The following TTC3 variants were observed in gnomAD, a reference collection of about 807,000 sequenced individuals.
The protein encoded by TTC3 is E3 ubiquitin-protein ligase TTC3.
Under a neutral mutation model 249.6 loss-of-function variants are expected in TTC3, and 180 were observed. The observed-to-expected ratio is 0.72, with a 90% CI of 0.64 to 0.82. The LOEUF is 0.82. Among genes scored for constraint, TTC3 ranks in the 40% least tolerant of loss-of-function variants. The pLI, the probability that TTC3 is intolerant of heterozygous loss-of-function variation, is 0.00. For synonymous variants in TTC3, 717 were observed against 805.0 expected (o/e 0.89, Z 1.85); for missense variants, 2,061 against 2,398.4 (o/e 0.86, Z 2.94).
rs753225300 is a variant in TTC3 at position 37,094,058 on chromosome 21, C to T, written c.655C>T (p.Leu219Phe). 9 of 1,607,314 alleles carry T rather than the reference C, an allele frequency of 5.6e-6. No homozygotes were observed. The South Asian group carries it at 8.9e-5, about 16-fold the overall frequency. The change falls in exon 8 of 46, where the codon CTT becomes TTT. Residue 219 changes from leucine to phenylalanine, a missense_variant. Transcript: ENST00000355666. Reference sequence around the variant, plus strand: ...GGAAGACTGCAATTTGCTTGAAGAACTTAAAACTCAAAGTTGTATGGATTG... The same window carrying T: ...GGAAGACTGCAATTTGCTTGAAGAATTTAAAACTCAAAGTTGTATGGATTG...
chr21:37,182,904 C>G, exon 36 of TTC3: 1 of 1,561,678 alleles, frequency 6.4e-7, no homozygotes, highest in Non-Finnish European at 8.6e-7. Context: ...GTTTCAAATG[C>G]CAGTGAAATG....
rs376732169 is a variant in TTC3, at chr21:37,123,509, A to G, written c.1109+481A>G. Among the ~76,000 whole-genome samples, 10 of 152,356 alleles carry G rather than the reference A, an allele frequency of 6.6e-5. No individual in the cohort carries two copies. The East Asian group carries it at 1.7e-3, about 26-fold the overall frequency. On this transcript the variant is annotated intron_variant, in intron 13 of 45. Coordinates refer to ENST00000355666, the Ensembl canonical transcript of TTC3. ...AAATAGGCAACAGATAGACTTGAGT[A>G]TGCTCACAAGAAAGCAATAGCAGCC...
chr21:37,185,998 C>G (rs1192923889), intron 37 of TTC3: 1 of 197,566 alleles, frequency 5.1e-6, no homozygotes, highest in Non-Finnish European at 1.0e-5. Context: ...CATTTATTTC[C>G]CATTGTCAAT....
chr21:37,187,146 G>C lies in TTC3; in HGVS notation c.4923+1G>C. The C allele has an allele frequency of 6.3e-7, 1 of 1,575,892 alleles. No homozygotes were observed. Among genetic ancestry groups the C allele is most frequent in the Non-Finnish European group, 8.6e-7 (1 of 1,166,876 alleles). The stretch of plus-strand genomic sequence containing the variant: ...TCATCAGAGAGCTGTGGCTGCAGAG[G>C]TGAGTCCATGACACTTAGTGACCAC... On this transcript the variant is annotated splice_donor_variant, in intron 38 of 45. Coordinates refer to ENST00000355666, the Ensembl canonical transcript of TTC3. LOFTEE classifies it high-confidence loss of function.
In TTC3 at chr21:37,197,559, C is replaced by G. The variant is rs199499779; in HGVS notation, c.5580-11C>G. Reference sequence around the variant, plus strand: ...TTTCTGTTGTCATTCATCACTCACTCTCCCTTTCAGCACTGAGCTTGCTGG... The same window carrying G: ...TTTCTGTTGTCATTCATCACTCACTGTCCCTTTCAGCACTGAGCTTGCTGG... On this transcript the variant is annotated splice_polypyrimidine_tract_variant and intron_variant, in intron 42 of 45. Transcript: ENST00000355666. 418 of 1,611,782 alleles carry G rather than the reference C, an allele frequency of 2.6e-4. 1 individual carries two copies. Among genetic ancestry groups the G allele is most frequent in the South Asian group, 1.1e-3 (102 of 90,932 alleles).
At chr21:37,134,376 C>T (rs1159521340) in intron 17 of TTC3, among the ~76,000 whole-genome samples, 3 of 150,652 alleles carry the variant, frequency 2.0e-5, no homozygotes, top group East Asian at 3.9e-4. Flanking sequence ...GCTTGAACCC[C>T]GAGGTGGAGG....
intron 21 of TTC3, 50 bp downstream of exon 21, chr21:37,144,695 A>ATT (rs1339041553): frequency 1.3e-6 from 2 of 1,576,824 alleles, no homozygotes; most frequent in Non-Finnish European, 1.7e-6. Flanking sequence ...GCTTATCTGC[A>ATT]TTGACTGACT....
At chr21:37,080,889 C>G (rs150480688) in intron 1 of TTC3, among the ~76,000 whole-genome samples, 46 of 151,976 alleles carry the variant, frequency 3.0e-4, no homozygotes, top group African/African-American at 1.1e-3. Context: ...CACCAGACAA[C>G]TTCTGTCTTT....
chr21:37,104,554 C>T (rs1016506662), intron 10 of TTC3, among the ~76,000 whole-genome samples: 31 of 141,568 alleles, frequency 2.2e-4, no homozygotes, highest in African/African-American at 7.7e-4. Flanking sequence ...AGCGCCATTG[C>T]GCTCCAGCCT....
At chr21:37,162,895 T>C (rs2080898037) in intron 31 of TTC3, among the ~76,000 whole-genome samples, 1 of 152,126 alleles carries the variant, frequency 6.6e-6, no homozygotes, top group East Asian at 1.9e-4. Context: ...GCCTTTTTGC[T>C]GTGTTTTCTC....
chr21:37,199,034 C>T (rs1272612802), intron 44 of TTC3, among the ~76,000 whole-genome samples: 1 of 152,214 alleles, frequency 6.6e-6, no homozygotes, highest in South Asian at 2.1e-4. Flanking sequence ...GGCACTTCCT[C>T]TTCTTCCCTG....
intron 36 of TTC3, among the ~76,000 whole-genome samples, chr21:37,185,453 G>C (rs2148166440): frequency 6.6e-6 from 1 of 152,250 alleles, no homozygotes; most frequent in South Asian, 2.1e-4. Flanking sequence ...CTTAGACTGA[G>C]ATAGGGTGAT....
At chr21:37,141,419 C>CCCA (rs1555888003) in intron 20 of TTC3, among the ~76,000 whole-genome samples, 1 of 151,810 alleles carries the variant, frequency 6.6e-6, no homozygotes, top group Non-Finnish European at 1.5e-5. Flanking sequence ...GAATCCCCCC[C>CCCA]CCAGCCATCT....
intron 1 of TTC3, chr21:37,082,211 C>T (rs1337449067): frequency 6.6e-6 from 1 of 152,158 alleles, no homozygotes; most frequent in Non-Finnish European, 1.5e-5. Flanking sequence ...TTTGATATGT[C>T]CAGTCATTCT....
intron 11 of TTC3, among the ~76,000 whole-genome samples, chr21:37,109,259 G>C (rs1288107705): frequency 6.6e-6 from 1 of 152,200 alleles, no homozygotes; most frequent in Non-Finnish European, 1.5e-5. Flanking sequence ...GAAGCAGGGT[G>C]AGGCATGGCC....
At chr21:37,191,239 A>T (rs2084053264) in intron 39 of TTC3, 95 bp from the exon 40 acceptor site, 1 of 826,968 alleles carries the variant, frequency 1.2e-6, no homozygotes, top group Non-Finnish European at 1.8e-6. Context: ...TGATTATGTT[A>T]AATGTCTCTT....
intron 5 of TTC3, 47 bp from the exon 6 acceptor site, chr21:37,090,186 A>C: frequency 6.9e-7 from 1 of 1,447,220 alleles, no homozygotes. Context: ...AAATTCAAGT[A>C]GAATTGACTG....
At chr21:37,120,325 CTT>C (rs773555216) in intron 11 of TTC3, among the ~76,000 whole-genome samples, 3 of 152,118 alleles carry the variant, frequency 2.0e-5, no homozygotes, top group Non-Finnish European at 4.4e-5. Context: ...TGAATTAAGT[CTT>C]TTCTCAACTA....
intron 19 of TTC3, 138 bp from the exon 20 acceptor site, chr21:37,140,423 G>T: frequency 1.8e-6 from 1 of 549,540 alleles, no homozygotes; most frequent in Non-Finnish European, 3.1e-6. Context: ...GTGAAACACA[G>T]AGGTATAATT....
Sources: gnomAD v4.1 joint callset for allele counts (sites outside exome capture counted in the v4.1 genomes callset) on GRCh38, gnomAD v4.1.1 for gene constraint, MANE v1.5 for transcripts, NCBI Gene and HGNC (gene_info 2026-07-23, HGNC 2026-07-21) for gene names.